FAM13A: variants seen among roughly 807,000 people sequenced by gnomAD.
FAM13A encodes protein FAM13A.
In FAM13A, 76 loss-of-function variants were observed where a neutral mutation model predicts 129.6. The observed-to-expected ratio is 0.59, with a 90% CI of 0.49 to 0.71. The LOEUF (loss-of-function observed/expected upper bound fraction) is 0.71. FAM13A is among the 30% of genes least tolerant of loss of function. The probability of loss-of-function intolerance (pLI) is 0.00; values close to 1 mark genes in which losing one functional copy is unlikely to be tolerated. For synonymous variants in FAM13A, 443 were observed against 449.9 expected (o/e 0.98, Z 0.20); for missense variants, 1,108 against 1,249.3 (o/e 0.89, Z 1.70).
In FAM13A at chr4:89,039,659, G is replaced by A. The variant is rs184493643; in HGVS notation, c.28-10010C>T. ...TGCCTGTAATGCTAGCACTTTGGGAGGCCGAGGCAGAAGGATCACTTGAGG... is the reference window on the plus strand; with the variant it reads ...TGCCTGTAATGCTAGCACTTTGGGAAGCCGAGGCAGAAGGATCACTTGAGG... On this transcript the variant is annotated intron_variant, in intron 1 of 23. Coordinates refer to ENST00000264344, the MANE Select transcript of FAM13A (RefSeq NM_014883.4). 9.9e-5 allele frequency among the ~76,000 whole-genome samples: 15 copies of A among 152,222 alleles called. 1 individual carries two copies. Among genetic ancestry groups the A allele is most frequent in the Admixed American group, 5.2e-4 (8 of 15,296 alleles).
chr4:88,763,976 T>C (rs1219858825), intron 13 of FAM13A, among the ~76,000 whole-genome samples: 2 of 152,220 alleles, frequency 1.3e-5, no homozygotes, highest in African/African-American at 2.4e-5. Flanking sequence ...AACAAAGTCC[T>C]AAAGCTTCCA....
chr4:88,904,166 G>T (rs1747768936), intron 6 of FAM13A, among the ~76,000 whole-genome samples: 1 of 152,162 alleles, frequency 6.6e-6, no homozygotes, highest in Non-Finnish European at 1.5e-5. Context: ...TACAGTGTTG[G>T]TGGAAGTGTA....
In FAM13A at chr4:88,869,295, G is replaced by C. The variant is rs115516152; in HGVS notation, c.844-18112C>G. Among the ~76,000 whole-genome samples, 576 of 152,316 alleles carry C rather than the reference G, an allele frequency of 3.8e-3. 5 individuals are homozygous for C. The highest frequency in any genetic ancestry group is 0.013 in the African/African-American group (555 of 41,564). ...CAGAAATTTAATTACAGTTGTCCCTGTTTAAAACTTGTCAATGGTTTTTCA... is the reference window on the plus strand; with the variant it reads ...CAGAAATTTAATTACAGTTGTCCCTCTTTAAAACTTGTCAATGGTTTTTCA... On this transcript the variant is annotated intron_variant, in intron 6 of 23. Transcript: ENST00000264344.
At chr4:88,928,687 C>A (rs1752583069) in intron 5 of FAM13A, among the ~76,000 whole-genome samples, 1 of 125,642 alleles carries the variant, frequency 8.0e-6, no homozygotes, top group Non-Finnish European at 1.7e-5. Flanking sequence ...GCCTATGTGT[C>A]TTTTTACATG....
At chr4:88,950,615 G>A (rs1560504511) in intron 4 of FAM13A, among the ~76,000 whole-genome samples, 1 of 152,188 alleles carries the variant, frequency 6.6e-6, no homozygotes, top group Non-Finnish European at 1.5e-5. Context: ...GGATGGGCTT[G>A]TTTTAATCCA....
At chr4:88,982,183 G>A (rs1383189929) in intron 4 of FAM13A, among the ~76,000 whole-genome samples, 2 of 152,148 alleles carry the variant, frequency 1.3e-5, no homozygotes, top group African/African-American at 2.4e-5. Context: ...AATTTTACTG[G>A]GTAAGAACAT....
intron 1 of FAM13A, among the ~76,000 whole-genome samples, chr4:89,044,182 A>G (rs575141113): frequency 6.6e-6 from 1 of 152,214 alleles, no homozygotes; most frequent in Admixed American, 6.5e-5. Flanking sequence ...TGCAATTCAT[A>G]TATCTGAATA....
intron 6 of FAM13A, among the ~76,000 whole-genome samples, chr4:88,852,877 A>G (rs1737849170): frequency 6.6e-6 from 1 of 152,200 alleles, no homozygotes; most frequent in African/African-American, 2.4e-5. Flanking sequence ...TGAAGATTAT[A>G]TAAAAACAAT....
intron 10 of FAM13A, among the ~76,000 whole-genome samples, chr4:88,784,191 C>T (rs150551665): frequency 1.7e-3 from 255 of 152,276 alleles, no homozygotes; most frequent in Non-Finnish European, 3.0e-3. Flanking sequence ...CGTGCATCCA[C>T]GTGTCTCTTC....
Position 88,749,804 on chromosome 4 carries a change from A to C in FAM13A, c.2046T>G (p.Phe682Leu). ...IQSLKKKIRK[F>L]EDRFEEEKKY... ...TCTTCTCTTCTTCGAATCTATCTTC[A>C]AACTTCCGGATCTTCTTTTTAAGGC... Residue 682 changes from phenylalanine to leucine, a missense_variant, in exon 16 of 24, where the codon TTT becomes TTG. Physicochemically the swap from Phe to Leu is conservative, Grantham distance 22. This residue lies in a region of FAM13A where 529 missense variants were observed against 621.2 expected (regional missense o/e 0.85). Coordinates refer to ENST00000264344, the MANE Select transcript of FAM13A (RefSeq NM_014883.4). 2 of 1,614,150 alleles carry C rather than the reference A, an allele frequency of 1.2e-6. No homozygotes were observed. Among genetic ancestry groups the C allele is most frequent in the Non-Finnish European group, 8.5e-7 (1 of 1,180,008 alleles).
intron 5 of FAM13A, among the ~76,000 whole-genome samples, chr4:88,915,035 C>T (rs907576907): frequency 1.3e-5 from 2 of 152,162 alleles, no homozygotes. Flanking sequence ...ATTTGGTGAT[C>T]TGGAGAGCAG....
chr4:89,020,848 T>A (rs1263960155), intron 2 of FAM13A, among the ~76,000 whole-genome samples, 179 bp from the exon 3 acceptor site: 1 of 152,196 alleles, frequency 6.6e-6, no homozygotes, highest in Non-Finnish European at 1.5e-5. Context: ...AATGTTCATA[T>A]CCACTGCATG....
chr4:88,995,083 A>G (rs1035754318), intron 3 of FAM13A, among the ~76,000 whole-genome samples: 3 of 151,976 alleles, frequency 2.0e-5, no homozygotes, highest in East Asian at 1.9e-4. Flanking sequence ...TCCAAAATGT[A>G]TATTTGTTGC....
chr4:89,024,483 A>G (rs1767679537), intron 2 of FAM13A, among the ~76,000 whole-genome samples: 1 of 152,214 alleles, frequency 6.6e-6, no homozygotes, highest in Non-Finnish European at 1.5e-5. Context: ...CTTTACAATA[A>G]TAGTTTACCT....
intron 7 of FAM13A, among the ~76,000 whole-genome samples, chr4:88,829,050 A>C (rs950660502): frequency 6.6e-6 from 1 of 152,192 alleles, no homozygotes; most frequent in Admixed American, 6.5e-5. Flanking sequence ...TGTCCTATCA[A>C]GAGCAACAAA....
chr4:88,967,673 G>T (rs560903251), intron 4 of FAM13A, among the ~76,000 whole-genome samples: 3 of 152,138 alleles, frequency 2.0e-5, no homozygotes, highest in Non-Finnish European at 4.4e-5. Flanking sequence ...AAAGATGCCC[G>T]GCAAGAGCAA....
chr4:88,726,830 G>A lies in FAM13A; in HGVS notation c.*1703C>T, dbSNP rs993147523. 5.2e-5 allele frequency: 8 copies of A among 152,566 alleles called. No individual in the cohort carries two copies. The highest frequency in any genetic ancestry group is 8.8e-5 in the Non-Finnish European group (6 of 68,014). The allele number at this position is 152,566 out of a possible 1,614,324, so 9.5% of individuals were successfully genotyped here. A position where few individuals can be genotyped will look rare whatever the true frequency, so the allele number is the denominator to read the frequency against. ...ATTTAAACCTGTAGGATTATGTACC[G>A]TCTTTGTGTATGGATTAAAACCAGG... On this transcript the variant is annotated 3_prime_UTR_variant, in exon 24 of 24. Coordinates refer to ENST00000264344, the MANE Select transcript of FAM13A (RefSeq NM_014883.4).
At chr4:88,886,907 C>CAAA (rs35715502) in intron 6 of FAM13A, among the ~76,000 whole-genome samples, 2 of 145,130 alleles carry the variant, frequency 1.4e-5, no homozygotes, top group Admixed American at 6.9e-5. Flanking sequence ...AACTCTATCT[C>CAAA]AAAAAAAAAA....
intron 3 of FAM13A, among the ~76,000 whole-genome samples, chr4:89,017,024 C>T: frequency 6.6e-6 from 1 of 152,164 alleles, no homozygotes; most frequent in East Asian, 1.9e-4. Context: ...CAGTAACATG[C>T]TGTATAGGTT....
Sources: gnomAD v4.1 joint callset for allele counts (sites outside exome capture counted in the v4.1 genomes callset) on GRCh38, gnomAD v4.1.1 for gene constraint, gnomAD v4.1.1 regional missense constraint, MANE v1.5 for transcripts, NCBI Gene and HGNC (gene_info 2026-07-23, HGNC 2026-07-21) for gene names.